Variants in TES observed in about 807,000 individuals in gnomAD.
TES encodes testin.
In TES, 41 loss-of-function variants were observed where a neutral mutation model predicts 48.2. The observed-to-expected ratio is 0.85, with a 90% CI of 0.66 to 1.10. The LOEUF (loss-of-function observed/expected upper bound fraction) is 1.10, where lower values mean the gene tolerates loss of function less well. TES is among the 50% of genes least tolerant of loss of function. TES has a pLI of 0.00. For missense variants in TES, 463 were observed against 515.1 expected, an observed-to-expected ratio of 0.90 and a Z score of 0.98; for synonymous variants, 162 against 174.9, an observed-to-expected ratio of 0.93 and a Z score of 0.58.
chr7:116,210,566 C>G lies in TES; in HGVS notation c.-142C>G, dbSNP rs1010755493. On this transcript the variant is annotated 5_prime_UTR_variant, in exon 1 of 7. Coordinates refer to ENST00000358204, the MANE Select transcript of TES (RefSeq NM_015641.4). ...TGCGGCGGACTGGGCGGCGGAAGTT[C>G]GACGGCGCCGGGCGAGTGGCTGTTG... 6.2e-6 allele frequency: 6 copies of G among 962,658 alleles called. No homozygotes were observed. The highest frequency in any genetic ancestry group is 1.7e-5 in the African/African-American group (1 of 58,050). The allele number at this position is 962,658 out of a possible 1,614,324, so 59.6% of individuals were successfully genotyped here. A position where few individuals can be genotyped will look rare whatever the true frequency, so the allele number is the denominator to read the frequency against.
At chr7:116,231,259 CT>C (rs1380661609) in intron 1 of TES, among the ~76,000 whole-genome samples, 1 of 152,100 alleles carries the variant, frequency 6.6e-6, no homozygotes, top group Non-Finnish European at 1.5e-5. Context: ...ATGTGGGAGA[CT>C]TTAAAAGAGC....
At chr7:116,250,611 G>A (rs1799992973) in intron 4 of TES, 115 bp downstream of exon 4, 3 of 800,410 alleles carry the variant, frequency 3.7e-6, no homozygotes, top group Non-Finnish European at 5.4e-6. Flanking sequence ...GAATAAGTAT[G>A]GGGAATAAAT....
intron 1 of TES, among the ~76,000 whole-genome samples, chr7:116,212,101 G>T (rs1479912824): frequency 2.0e-5 from 3 of 152,106 alleles, no homozygotes; most frequent in Non-Finnish European, 4.4e-5. Flanking sequence ...TGCCCGCTTA[G>T]CTTTCTGTTG....
chr7:116,223,027 G>A (rs1262662542), intron 1 of TES: 3 of 983,058 alleles, frequency 3.1e-6, no homozygotes, highest in Non-Finnish European at 3.6e-6. Flanking sequence ...TATTCTATTG[G>A]TAAGCATTTC....
chr7:116,252,804 G>A, intron 6 of TES: 1 of 353,598 alleles, frequency 2.8e-6, no homozygotes, highest in South Asian at 2.6e-5. Context: ...CAATAAAGGT[G>A]TCTAGGGGCT....
At chr7:116,233,501 A>G (rs1359058127) in intron 1 of TES, among the ~76,000 whole-genome samples, 1 of 152,226 alleles carries the variant, frequency 6.6e-6, no homozygotes, top group Non-Finnish European at 1.5e-5. Flanking sequence ...CTTGAACTCA[A>G]ATCTCTACCA....
intron 1 of TES, among the ~76,000 whole-genome samples, chr7:116,233,537 A>C (rs979117666): frequency 6.6e-6 from 1 of 152,196 alleles, no homozygotes; most frequent in Non-Finnish European, 1.5e-5. Flanking sequence ...ATCTTAAGCA[A>C]GTTTCATAGT....
chr7:116,254,798 A>G (rs964657041), intron 6 of TES, among the ~76,000 whole-genome samples: 7 of 119,938 alleles, frequency 5.8e-5, no homozygotes, highest in South Asian at 2.8e-4. Context: ...GTGTGTGTGT[A>G]GCATCATTTC....
At chr7:116,255,742 C>A (rs184344649) in intron 6 of TES, among the ~76,000 whole-genome samples, 4 of 152,138 alleles carry the variant, frequency 2.6e-5, no homozygotes, top group Admixed American at 1.3e-4. Flanking sequence ...AATACATAAA[C>A]AAGAAATATT....
chr7:116,248,340 A>G (rs1345482122), intron 2 of TES, among the ~76,000 whole-genome samples: 3 of 152,188 alleles, frequency 2.0e-5, no homozygotes, highest in African/African-American at 4.8e-5. Context: ...GCTGGGTTGA[A>G]TGATAGTTCT....
intron 6 of TES, among the ~76,000 whole-genome samples, chr7:116,253,721 T>A (rs1166606181): frequency 6.6e-6 from 1 of 152,160 alleles, no homozygotes. Context: ...TTTACCTGAC[T>A]GTACCTACAC....
chr7:116,234,390 C>A, intron 1 of TES, 144 bp from the exon 2 acceptor site: 1 of 654,766 alleles, frequency 1.5e-6, no homozygotes, highest in South Asian at 1.9e-5. Context: ...ATGTACATAC[C>A]TGGGTATCAT....
At chr7:116,249,575 G>T in intron 3 of TES, 1 of 265,184 alleles carries the variant, frequency 3.8e-6, no homozygotes, top group Non-Finnish European at 7.1e-6. Flanking sequence ...AGTCTTGAGA[G>T]GATTTATCTT....
At chr7:116,223,928 A>G (rs993444483) in intron 1 of TES, among the ~76,000 whole-genome samples, 6 of 152,240 alleles carry the variant, frequency 3.9e-5, no homozygotes, top group Non-Finnish European at 8.8e-5. Context: ...ACTCCCACCT[A>G]CTAGTAGTCA....
intron 1 of TES, among the ~76,000 whole-genome samples, chr7:116,220,540 A>C (rs1205743432): frequency 1.3e-5 from 2 of 152,172 alleles, no homozygotes; most frequent in African/African-American, 2.4e-5. Flanking sequence ...GTACTTCTTT[A>C]TTGGATTATT....
intron 6 of TES, among the ~76,000 whole-genome samples, chr7:116,254,748 AT>A (rs1235706559): frequency 7.1e-4 from 74 of 104,392 alleles, no homozygotes; most frequent in African/African-American, 1.9e-3. Context: ...CTCAAAAAAA[AT>A]ATATATATAT....
At chr7:116,241,725 T>C (rs1049678658) in intron 2 of TES, among the ~76,000 whole-genome samples, 5 of 152,214 alleles carry the variant, frequency 3.3e-5, no homozygotes, top group Admixed American at 6.5e-5. Flanking sequence ...GTTATTGGTA[T>C]GTTGTTTTAA....
At chr7:116,218,648 A>G (rs1357682020) in intron 1 of TES, among the ~76,000 whole-genome samples, 2 of 152,096 alleles carry the variant, frequency 1.3e-5, no homozygotes, top group Non-Finnish European at 2.9e-5. Context: ...TAAACTCCAT[A>G]TCTATCAGTA....
chr7:116,247,056 C>G (rs775011913), intron 2 of TES, among the ~76,000 whole-genome samples: 6 of 150,532 alleles, frequency 4.0e-5, no homozygotes, highest in Non-Finnish European at 5.9e-5. Context: ...TGTGCCAGAC[C>G]AGAGTGAAGA....
Sources: allele counts gnomAD v4.1 joint callset (sites outside exome capture counted in the v4.1 genomes callset), GRCh38; gene constraint gnomAD v4.1.1; transcripts MANE v1.5; gene names NCBI Gene and HGNC (gene_info 2026-07-23, HGNC 2026-07-21).